FBXL2: variants seen among roughly 807,000 people sequenced by gnomAD.
FBXL2 encodes F-box and leucine rich repeat protein 2.
A neutral mutation model predicts 69.2 loss-of-function variants in FBXL2; 38 were observed. The ratio of observed to expected loss-of-function variants is 0.55; its 90% confidence interval spans 0.42 to 0.72. The LOEUF (loss-of-function observed/expected upper bound fraction) is 0.72, where lower values mean the gene tolerates loss of function less well. Ranked by LOEUF, FBXL2 falls within the 30% of genes least tolerant of loss-of-function variation. FBXL2 has a pLI of 0.00. For synonymous variants in FBXL2, 192 were observed against 201.3 expected, an observed-to-expected ratio of 0.95 and a Z score of 0.39; for missense variants, 354 against 520.3, an observed-to-expected ratio of 0.68 and a Z score of 3.11.
chr3:33,390,478 C>CT, downstream of FBXL2: 1 of 1,141,168 alleles, frequency 8.8e-7, no homozygotes. Context: ...CAGAGGTTAC[C>CT]TTTAAATGAT....
chr3:33,353,561 G>A (rs1354677541), intron 2 of FBXL2, among the ~76,000 whole-genome samples: 3 of 152,188 alleles, frequency 2.0e-5, no homozygotes, highest in Non-Finnish European at 4.4e-5. Context: ...CAATCATATG[G>A]CATCTGGAAA....
intron 2 of FBXL2, among the ~76,000 whole-genome samples, chr3:33,322,801 T>C (rs1386353846): frequency 1.3e-5 from 2 of 152,210 alleles, no homozygotes; most frequent in East Asian, 3.8e-4. Context: ...AGGTGTCATA[T>C]ATTGTGTGTG....
chr3:33,403,109 A>C, intron 12 of FBXL2: 1 of 508,284 alleles, frequency 2.0e-6, no homozygotes, highest in East Asian at 3.8e-5. Context: ...GACACTGATT[A>C]ATCTTAGAGA....
At chr3:33,392,559 G>A, downstream of FBXL2, 1 of 1,609,682 alleles carries the variant, frequency 6.2e-7, no homozygotes, top group Non-Finnish European at 8.5e-7. Flanking sequence ...CACATGCAAA[G>A]TACCTTTTAC....
chr3:33,355,544 A>C (rs72852008), intron 2 of FBXL2, among the ~76,000 whole-genome samples: 10,283 of 152,228 alleles, frequency 0.068, 1,159 homozygotes, highest in African/African-American at 0.23. Flanking sequence ...ATCTTGATGA[A>C]GAAGAACAAA....
chr3:33,281,564 A>G (rs1167529301), intron 1 of FBXL2, among the ~76,000 whole-genome samples: 1 of 152,164 alleles, frequency 6.6e-6, no homozygotes, highest in African/African-American at 2.4e-5. Context: ...ATACCCAGTA[A>G]TGGAATTGCT....
At chr3:33,364,789 C>CTAT in intron 5 of FBXL2, 70 bp downstream of exon 5, 1 of 1,205,472 alleles carries the variant, frequency 8.3e-7, no homozygotes, top group South Asian at 1.2e-5. Flanking sequence ...TAAACCAAGC[C>CTAT]TATTACATGC....
chr3:33,413,465 T>C, the FBXL2 span, among the ~76,000 whole-genome samples: 1 of 144,932 alleles, frequency 6.9e-6, no homozygotes, highest in Non-Finnish European at 1.5e-5. Flanking sequence ...AAGAATGGTG[T>C]GAACCCGGGA....
At chr3:33,282,459 A>G (rs2034128427) in intron 1 of FBXL2, among the ~76,000 whole-genome samples, 1 of 152,104 alleles carries the variant, frequency 6.6e-6, no homozygotes. Flanking sequence ...GCCTTGTAGT[A>G]TAGTTTGAAG....
At chr3:33,280,573 G>A (rs1016315395) in intron 1 of FBXL2, among the ~76,000 whole-genome samples, 2 of 151,942 alleles carry the variant, frequency 1.3e-5, no homozygotes. Context: ...GCCAGGCATG[G>A]TGGTGCACGC....
chr3:33,349,530 TC>T (rs1458279414), intron 2 of FBXL2, among the ~76,000 whole-genome samples: 1 of 152,190 alleles, frequency 6.6e-6, no homozygotes, highest in African/African-American at 2.4e-5. Context: ...AATTTTTGCA[TC>T]AATATTCATC....
At chr3:33,344,256 C>A (rs2125866775) in intron 2 of FBXL2, among the ~76,000 whole-genome samples, 1 of 152,018 alleles carries the variant, frequency 6.6e-6, no homozygotes, top group East Asian at 1.9e-4. Flanking sequence ...GATGTGAAGA[C>A]TCAACACTGT....
chr3:33,290,671 A>G (rs1264919262), intron 1 of FBXL2, among the ~76,000 whole-genome samples: 1 of 152,220 alleles, frequency 6.6e-6, no homozygotes, highest in Non-Finnish European at 1.5e-5. Flanking sequence ...TTAGGGACAG[A>G]TCAATAAAAA....
chr3:33,291,077 A>G (rs1338993412), intron 1 of FBXL2, among the ~76,000 whole-genome samples: 2 of 152,012 alleles, frequency 1.3e-5, no homozygotes, highest in Non-Finnish European at 2.9e-5. Flanking sequence ...CTACAGGTGC[A>G]TGCCACCATG....
intron 2 of FBXL2, among the ~76,000 whole-genome samples, chr3:33,354,332 A>C (rs1235897859): frequency 6.6e-6 from 1 of 151,858 alleles, no homozygotes; most frequent in East Asian, 1.9e-4. Context: ...TGACCAATAT[A>C]GTGAAACCCC....
intron 2 of FBXL2, among the ~76,000 whole-genome samples, chr3:33,358,327 C>T (rs1285755210): frequency 1.3e-5 from 2 of 152,206 alleles, no homozygotes; most frequent in South Asian, 2.1e-4. Context: ...GCCAGAATGT[C>T]GAGGCTTCAC....
At position 33,383,975 on chromosome 3, in the gene FBXL2, T is replaced by C. The variant is rs113982530; in HGVS notation, c.952-14T>C. 2.7e-3 allele frequency: 4,278 copies of C among 1,613,104 alleles called. 105 individuals carry two copies. In the African/African-American group the frequency reaches 0.051, roughly 19 times the overall value. On this transcript the variant is annotated splice_polypyrimidine_tract_variant and intron_variant, in intron 13 of 14. Coordinates refer to ENST00000484457, the MANE Select transcript of FBXL2 (RefSeq NM_012157.5). ...AGGGTCCTGCAAACATTTACTCATG[T>C]CTTCCTGTTCCAGAGCCTGTCCCAC...
intron 2 of FBXL2, among the ~76,000 whole-genome samples, chr3:33,321,290 A>G (rs191232042): frequency 6.6e-6 from 1 of 151,368 alleles, no homozygotes; most frequent in Non-Finnish European, 1.5e-5. Context: ...AGCCTGGGTG[A>G]CAGAGCCTGA....
chr3:33,282,977 A>G (rs138784570), intron 1 of FBXL2, among the ~76,000 whole-genome samples: 2,875 of 152,268 alleles, frequency 0.019, 86 homozygotes, highest in African/African-American at 0.065. Flanking sequence ...TAAATATACA[A>G]TCATGTCATC....
Sources: gnomAD v4.1 joint callset for allele counts (sites outside exome capture counted in the v4.1 genomes callset) on GRCh38, gnomAD v4.1.1 for gene constraint, MANE v1.5 for transcripts, NCBI Gene and HGNC (gene_info 2026-07-23, HGNC 2026-07-21) for gene names.